The following TENM3 variants were observed in gnomAD, a reference collection of about 807,000 sequenced individuals.
TENM3 encodes teneurin transmembrane protein 3, also known as teneurin-3.
A neutral mutation model predicts 255.1 loss-of-function variants in TENM3; 63 were observed. The ratio of observed to expected loss-of-function variants is 0.25; its 90% CI spans 0.20 to 0.30. The LOEUF (loss-of-function observed/expected upper bound fraction) is 0.30. TENM3 is among the 10% of genes least tolerant of loss of function. TENM3 has a pLI of 1.00. For synonymous variants in TENM3, 1,306 were observed against 1,322.3 expected (o/e 0.99, Z 0.27); for missense variants, 2,929 against 3,461.1 (o/e 0.85, Z 3.86).
intron 3 of TENM3, among the ~76,000 whole-genome samples, chr4:182,570,064 G>T (rs1321861278): frequency 6.6e-6 from 1 of 152,144 alleles, no homozygotes; most frequent in Non-Finnish European, 1.5e-5. Context: ...ATTTCTTTTG[G>T]ACAGTTCTAG....
intron 1 of TENM3, among the ~76,000 whole-genome samples, chr4:182,208,149 T>G (rs1754712468): frequency 6.6e-6 from 1 of 152,228 alleles, no homozygotes; most frequent in Admixed American, 6.5e-5. Context: ...GCAGGAGACT[T>G]TGTACTTTAT....
intron 4 of TENM3, among the ~76,000 whole-genome samples, chr4:182,618,182 A>G (rs768081845): frequency 4.6e-5 from 7 of 152,144 alleles, no homozygotes; most frequent in Admixed American, 1.3e-4. Flanking sequence ...TTTATTTTCT[A>G]TGCTAATCTC....
the TENM3 span, among the ~76,000 whole-genome samples, chr4:182,057,386 TA>T: frequency 6.6e-6 from 1 of 151,448 alleles, no homozygotes; most frequent in African/African-American, 2.4e-5. Flanking sequence ...CTTTATCTTT[TA>T]TCTTTTTTTT....
intron 6 of TENM3, among the ~76,000 whole-genome samples, chr4:182,662,010 A>G (rs1385221773): frequency 6.6e-6 from 1 of 151,328 alleles, no homozygotes; most frequent in Non-Finnish European, 1.5e-5. Context: ...CAGATACCAA[A>G]CCTCCTAATT....
the TENM3 span, among the ~76,000 whole-genome samples, chr4:181,810,379 A>T: frequency 4.6e-5 from 7 of 152,154 alleles, no homozygotes; most frequent in Admixed American, 1.3e-4. Context: ...AACATCTGGC[A>T]CCCAGTAAAT....
chr4:182,487,041 TTTG>T (rs1346740976), intron 3 of TENM3, among the ~76,000 whole-genome samples: 1 of 152,170 alleles, frequency 6.6e-6, no homozygotes, highest in Non-Finnish European at 1.5e-5. Context: ...GTATCATAAC[TTTG>T]TTCTGAATGT....
At chr4:182,113,406 A>G in the TENM3 span, among the ~76,000 whole-genome samples, 1 of 152,282 alleles carries the variant, frequency 6.6e-6, no homozygotes, top group South Asian at 2.1e-4. Flanking sequence ...ACTCACAGAG[A>G]GGAGAATGAA....
chr4:182,323,869 A>C (rs1763219151), intron 1 of TENM3, 77 bp from the exon 2 acceptor site: 2 of 624,648 alleles, frequency 3.2e-6, no homozygotes, highest in South Asian at 3.9e-5. Context: ...CTACCATCCC[A>C]GATTGAGAAG....
chr4:181,542,502 T>C, the TENM3 span, among the ~76,000 whole-genome samples: 1 of 152,180 alleles, frequency 6.6e-6, no homozygotes, highest in African/African-American at 2.4e-5. Flanking sequence ...TACCTGTTAA[T>C]ATTGCAGTTG....
chr4:182,618,122 A>C (rs992521484), intron 4 of TENM3, among the ~76,000 whole-genome samples: 12 of 152,330 alleles, frequency 7.9e-5, no homozygotes, highest in Non-Finnish European at 1.2e-4. Context: ...TATGAAGTTA[A>C]TCTAATTAGA....
At chr4:182,751,363 G>A (rs1036149361) in intron 19 of TENM3, among the ~76,000 whole-genome samples, 3 of 152,224 alleles carry the variant, frequency 2.0e-5, no homozygotes, top group African/African-American at 4.8e-5. Context: ...AGGTATGAGC[G>A]GAATCAGTAG....
chr4:182,524,165 G>GA (rs1738877602), intron 3 of TENM3, among the ~76,000 whole-genome samples: 1 of 151,954 alleles, frequency 6.6e-6, no homozygotes, highest in African/African-American at 2.4e-5. Flanking sequence ...AGTTTATTTG[G>GA]AAAAAAGGAA....
the TENM3 span, among the ~76,000 whole-genome samples, chr4:181,651,359 A>G: frequency 1.3e-5 from 2 of 152,136 alleles, no homozygotes; most frequent in Admixed American, 1.3e-4. Flanking sequence ...CAACACTTTG[A>G]GAGGCCAAGG....
chr4:182,437,553 T>C (rs1332876381), intron 3 of TENM3, among the ~76,000 whole-genome samples: 3 of 152,044 alleles, frequency 2.0e-5, no homozygotes. Flanking sequence ...TCCCAACACT[T>C]TGGGAGGCCA....
At chr4:181,601,441 C>A in the TENM3 span, among the ~76,000 whole-genome samples, 1 of 152,178 alleles carries the variant, frequency 6.6e-6, no homozygotes, top group Admixed American at 6.5e-5. Flanking sequence ...TGAGGCCTCT[C>A]TCCTTGGCTG....
At chr4:182,328,765 T>C (rs1041644841) in intron 2 of TENM3, among the ~76,000 whole-genome samples, 1 of 152,040 alleles carries the variant, frequency 6.6e-6, no homozygotes, top group African/African-American at 2.4e-5. Context: ...TGCTGAGCAC[T>C]CCCAGCCCCC....
At chr4:182,431,887 G>C (rs967462967) in intron 3 of TENM3, among the ~76,000 whole-genome samples, 1 of 151,920 alleles carries the variant, frequency 6.6e-6, no homozygotes, top group Non-Finnish European at 1.5e-5. Flanking sequence ...GACCAGTCTG[G>C]GCAACATGGT....
chr4:182,299,341 C>G lies in TENM3; in HGVS notation c.-75-24605C>G, dbSNP rs2150361526. Among the ~76,000 whole-genome samples the G allele has an allele frequency of 3.9e-5, 6 of 152,212 alleles. 1 individual carries two copies. The Middle Eastern group carries it at 0.017, about 431-fold the overall frequency. On this transcript the variant is annotated intron_variant, in intron 1 of 27. Coordinates refer to ENST00000511685, the MANE Select transcript of TENM3 (RefSeq NM_001080477.4). ...TGCTAAAGTAAGACTTTACAAACAA[C>G]TCTTACAATTTCATTGAATCAATAT...
intron 1 of TENM3, among the ~76,000 whole-genome samples, chr4:182,271,216 A>G (rs1310331279): frequency 2.0e-5 from 3 of 152,178 alleles, no homozygotes; most frequent in Admixed American, 6.5e-5. Flanking sequence ...CCAGCTAGTT[A>G]TCGCCTTACA....
Sources: allele counts gnomAD v4.1 joint callset (sites outside exome capture counted in the v4.1 genomes callset), GRCh38; gene constraint gnomAD v4.1.1; transcripts MANE v1.5; gene names NCBI Gene and HGNC (gene_info 2026-07-23, HGNC 2026-07-21).